SEC24B: variants seen among roughly 807,000 people sequenced by gnomAD.
SEC24B encodes the protein protein transport protein Sec24B.
Under a neutral mutation model 142.8 loss-of-function variants are expected in SEC24B, and 45 were observed. The ratio of observed to expected loss-of-function variants is 0.32; its 90% CI spans 0.25 to 0.40. SEC24B has a LOEUF of 0.40. SEC24B is among the 10% of genes least tolerant of loss of function. The probability of loss-of-function intolerance (pLI) is 1.00; values close to 1 mark genes in which losing one functional copy is unlikely to be tolerated. For missense variants in SEC24B, 1,409 were observed against 1,526.8 expected (o/e 0.92, Z 1.29); for synonymous variants, 574 against 568.2 (o/e 1.01, Z -0.15).
rs536578854 is a variant in SEC24B, at chr4:109,539,273, T to A, written c.3693-288T>A. 6.5e-3 allele frequency among the ~76,000 whole-genome samples: 910 copies of A among 139,040 alleles called. 6 individuals are homozygous for A. The highest frequency in any genetic ancestry group is 0.022 in the African/African-American group (819 of 36,710). 91.2% of individuals were successfully genotyped at this position (139,040 alleles called of 152,430 possible). A position where few individuals can be genotyped will look rare whatever the true frequency, so the allele number is the denominator to read the frequency against. On this transcript the variant is annotated intron_variant, in intron 23 of 23. Coordinates refer to ENST00000265175, the MANE Select transcript of SEC24B (RefSeq NM_006323.5). ...CACCACGCCCGGCCAATTTTAAAAA[T>A]TTTTTTTTTTTTTTTAAGCAATGGG...
At chr4:109,519,680 T>C (rs534239588) in intron 11 of SEC24B, among the ~76,000 whole-genome samples, 2 of 152,336 alleles carry the variant, frequency 1.3e-5, no homozygotes, top group African/African-American at 2.4e-5. Context: ...ACATAACTTG[T>C]AGCTTTCTGT....
chr4:109,485,159 G>A (rs1437763628), intron 4 of SEC24B, among the ~76,000 whole-genome samples: 1 of 152,178 alleles, frequency 6.6e-6, no homozygotes, highest in African/African-American at 2.4e-5. Flanking sequence ...TTTGTAAAGA[G>A]CTTAGAACAG....
chr4:109,518,638 G>A (rs905270819), intron 11 of SEC24B, among the ~76,000 whole-genome samples: 1 of 152,092 alleles, frequency 6.6e-6, no homozygotes, highest in Non-Finnish European at 1.5e-5. Flanking sequence ...TTTGCTTTTG[G>A]TGTTTGTTAC....
At chr4:109,458,343 A>G (rs1730913031) in intron 1 of SEC24B, among the ~76,000 whole-genome samples, 1 of 152,194 alleles carries the variant, frequency 6.6e-6, no homozygotes, top group South Asian at 2.1e-4. Flanking sequence ...AGATTTATAA[A>G]GACTTTGCAG....
intron 1 of SEC24B, among the ~76,000 whole-genome samples, chr4:109,458,797 G>A (rs911679015): frequency 2.0e-5 from 3 of 151,094 alleles, no homozygotes; most frequent in Non-Finnish European, 4.4e-5. Context: ...GTTATCTCGG[G>A]AAGATTAAGA....
intron 1 of SEC24B, among the ~76,000 whole-genome samples, chr4:109,445,496 C>T (rs1729370505): frequency 2.0e-5 from 3 of 149,804 alleles, no homozygotes; most frequent in African/African-American, 7.4e-5. Context: ...TCGTGATCCG[C>T]CCGTCTCAGC....
chr4:109,507,890 C>T (rs1736876797), intron 7 of SEC24B, among the ~76,000 whole-genome samples: 1 of 152,140 alleles, frequency 6.6e-6, no homozygotes, highest in African/African-American at 2.4e-5. Context: ...GGTGATCCGC[C>T]CACCTCGTCC....
At chr4:109,525,076 A>G (rs1724072278) in intron 15 of SEC24B, 135 bp downstream of exon 15, 1 of 818,568 alleles carries the variant, frequency 1.2e-6, no homozygotes, top group Non-Finnish European at 1.8e-6. Flanking sequence ...ATCTATGAAA[A>G]CTACCAGTAA....
chr4:109,524,559 G>A (rs1006908831), intron 14 of SEC24B, among the ~76,000 whole-genome samples: 5 of 151,940 alleles, frequency 3.3e-5, no homozygotes, highest in South Asian at 2.1e-4. Context: ...CAGTTTCTTC[G>A]TCTGAAAATG....
chr4:109,496,304 G>A (rs1183060435), intron 6 of SEC24B, among the ~76,000 whole-genome samples: 1 of 151,886 alleles, frequency 6.6e-6, no homozygotes, highest in South Asian at 2.1e-4. Flanking sequence ...GTAGAGATGG[G>A]GTGTCACCAT....
intron 22 of SEC24B, 130 bp downstream of exon 22, chr4:109,533,815 C>T (rs1322068199): frequency 1.5e-6 from 1 of 665,112 alleles, no homozygotes; most frequent in Non-Finnish European, 2.6e-6. Flanking sequence ...TGTTTTACAG[C>T]CATTACCACT....
In SEC24B at chr4:109,445,710, A is replaced by T. The variant is rs143289022; in HGVS notation, c.133+11708A>T. Among the ~76,000 whole-genome samples the T allele has an allele frequency of 1.4e-3, 206 of 152,086 alleles. 1 individual carries two copies. Among genetic ancestry groups the T allele is most frequent in the African/African-American group, 4.5e-3 (187 of 41,484 alleles). On this transcript the variant is annotated intron_variant, in intron 1 of 23. Transcript: ENST00000265175. ...CAGCCTCCCAAGTTACTGGGACTAC[A>T]GGCACAAACCACCACACCTGCGTAA...
chr4:109,447,977 T>C (rs1729640800), intron 1 of SEC24B, among the ~76,000 whole-genome samples: 1 of 152,198 alleles, frequency 6.6e-6, no homozygotes, highest in Admixed American at 6.5e-5. Context: ...TTCTCCATGT[T>C]CAAAGCCAGC....
chr4:109,499,001 T>G (rs937678210), intron 6 of SEC24B, among the ~76,000 whole-genome samples: 1 of 152,186 alleles, frequency 6.6e-6, no homozygotes, highest in Non-Finnish European at 1.5e-5. Context: ...AGATACTATA[T>G]AGCTTTTAAA....
chr4:109,527,137 T>A (rs577420586), intron 17 of SEC24B, among the ~76,000 whole-genome samples, 185 bp from the exon 18 acceptor site: 1 of 151,074 alleles, frequency 6.6e-6, no homozygotes, highest in African/African-American at 2.4e-5. Context: ...GAGAATCACT[T>A]GAACCTAGGA....
At chr4:109,482,936 C>CTATGTATATATATA (rs1733881404) in intron 4 of SEC24B, among the ~76,000 whole-genome samples, 1 of 34,598 alleles carries the variant, frequency 2.9e-5, no homozygotes, top group Non-Finnish European at 6.0e-5. Context: ...CAGGCTTGTA[C>CTATGTATATATATA]TATATATATA....
intron 4 of SEC24B, among the ~76,000 whole-genome samples, chr4:109,482,979 T>TATACACACACAC (rs781527364): frequency 1.1e-4 from 3 of 26,412 alleles, no homozygotes; most frequent in African/African-American, 2.4e-4. Context: ...TATATATATA[T>TATACACACACAC]ACACACACAC....
At chr4:109,464,340 G>A (rs897447474) in intron 2 of SEC24B, among the ~76,000 whole-genome samples, 2 of 150,020 alleles carry the variant, frequency 1.3e-5, no homozygotes, top group Non-Finnish European at 3.0e-5. Flanking sequence ...CACCCAGGCT[G>A]GGCATGATCT....
At chr4:109,516,505 T>TA (rs1159191056) in intron 10 of SEC24B, 23 bp from the exon 11 acceptor site, 5 of 1,429,840 alleles carry the variant, frequency 3.5e-6, no homozygotes, top group Non-Finnish European at 4.9e-6. Flanking sequence ...CCAAATAACT[T>TA]ACTTTATTTT....
Sources: gnomAD v4.1 joint callset for allele counts (sites outside exome capture counted in the v4.1 genomes callset) on GRCh38, gnomAD v4.1.1 for gene constraint, MANE v1.5 for transcripts, NCBI Gene and HGNC (gene_info 2026-07-23, HGNC 2026-07-21) for gene names.